Variants in STX3 observed in about 807,000 individuals in gnomAD.
STX3 encodes the protein syntaxin 3.
STX3 carries 19 observed loss-of-function variants against 40.2 expected under a neutral mutation model. That is an observed-to-expected ratio of 0.47 (90% CI 0.33 to 0.69). The LOEUF (loss-of-function observed/expected upper bound fraction) is 0.69, where lower values mean the gene tolerates loss of function less well. Among genes scored for constraint, STX3 ranks in the 30% least tolerant of loss-of-function variants. The pLI, the probability that STX3 is intolerant of heterozygous loss-of-function variation, is 0.02. For synonymous variants in STX3, 122 were observed against 132.2 expected (o/e 0.92, Z 0.53); for missense variants, 364 against 366.7 (o/e 0.99, Z 0.06).
intron 1 of STX3, among the ~76,000 whole-genome samples, chr11:59,762,853 G>C (rs1240967072): frequency 6.6e-6 from 1 of 152,196 alleles, no homozygotes; most frequent in East Asian, 1.9e-4. Context: ...AAGAAGGTCT[G>C]ATCTCCTCAC....
intron 5 of STX3, among the ~76,000 whole-genome samples, chr11:59,791,082 T>C (rs1273303018): frequency 1.3e-5 from 2 of 152,064 alleles, no homozygotes; most frequent in African/African-American, 4.8e-5. Context: ...CATCAAAAGA[T>C]CTCAGGAAGA....
chr11:59,768,956 T>C (rs967437837), intron 1 of STX3, among the ~76,000 whole-genome samples: 1 of 152,186 alleles, frequency 6.6e-6, no homozygotes, highest in Non-Finnish European at 1.5e-5. Flanking sequence ...CTCTATTGCA[T>C]AGTAGTGAGG....
chr11:59,761,154 A>T (rs1240607336), intron 1 of STX3, among the ~76,000 whole-genome samples: 1 of 152,192 alleles, frequency 6.6e-6, no homozygotes, highest in East Asian at 1.9e-4. Flanking sequence ...AAGGCTCCTA[A>T]CTACACCTAA....
At position 59,805,442 on chromosome 11, in the gene STX3, A is replaced by G. The variant is rs1283170106; in HGVS notation, c.*4618A>G. ...ATTTTTTAAGAAAGTGGGATTAAAA[A>G]TATTTTGGTCAGTGCTGTTTTCTAC... On this transcript the variant is annotated 3_prime_UTR_variant, in exon 11 of 11. Coordinates refer to ENST00000337979, the MANE Select transcript of STX3 (RefSeq NM_004177.5). 2.0e-5 allele frequency: 3 copies of G among 152,170 alleles called. No individual in the cohort carries two copies. The highest frequency in any genetic ancestry group is 4.4e-5 in the Non-Finnish European group (3 of 68,036). 9.4% of individuals were successfully genotyped at this position (152,170 alleles called of 1,614,324 possible).
At chr11:59,764,779 T>C (rs1241274730) in intron 1 of STX3, among the ~76,000 whole-genome samples, 1 of 152,100 alleles carries the variant, frequency 6.6e-6, no homozygotes, top group Non-Finnish European at 1.5e-5. Flanking sequence ...GCAGTTGTCT[T>C]ATCTGGAAAT....
chr11:59,760,940 T>C (rs913504776), intron 1 of STX3, among the ~76,000 whole-genome samples: 1 of 152,248 alleles, frequency 6.6e-6, no homozygotes, highest in African/African-American at 2.4e-5. Flanking sequence ...ATGGTAAGCC[T>C]GTATTAAACA....
chr11:59,784,349 T>C (rs1361730412), intron 2 of STX3, among the ~76,000 whole-genome samples: 1 of 152,210 alleles, frequency 6.6e-6, no homozygotes, highest in African/African-American at 2.4e-5. Flanking sequence ...TTTCCCTCCC[T>C]CAATCCTGTA....
At chr11:59,784,034 A>G (rs150113845) in intron 2 of STX3, among the ~76,000 whole-genome samples, 73 of 152,302 alleles carry the variant, frequency 4.8e-4, no homozygotes, top group Middle Eastern at 3.4e-3. Context: ...ACCCAGGACC[A>G]GTTCTCCTGT....
At chr11:59,770,089 TTGTG>T (rs900297761) in intron 1 of STX3, among the ~76,000 whole-genome samples, 1 of 143,652 alleles carries the variant, frequency 7.0e-6, no homozygotes, top group Non-Finnish European at 1.5e-5. Context: ...TGTTGGGTGT[TTGTG>T]TATGTGGAAT....
intron 6 of STX3, 31 bp from the exon 7 acceptor site, chr11:59,793,068 T>C (rs1865300085): frequency 6.2e-7 from 1 of 1,608,054 alleles, no homozygotes; most frequent in Non-Finnish European, 8.5e-7. Context: ...CGTGATCTTA[T>C]ATTTGACGCT....
At chr11:59,784,444 G>C (rs1170858565) in intron 2 of STX3, among the ~76,000 whole-genome samples, 1 of 152,182 alleles carries the variant, frequency 6.6e-6, no homozygotes, top group African/African-American at 2.4e-5. Context: ...TCTAAGAGGG[G>C]CCAGTAGATT....
At chr11:59,795,738 T>C in intron 9 of STX3, 1 of 1,528,378 alleles carries the variant, frequency 6.5e-7, no homozygotes, top group Non-Finnish European at 8.8e-7. Context: ...TCAACTGTCC[T>C]TCGTCTCAGC....
chr11:59,797,571 G>T (rs1865597543), intron 10 of STX3, among the ~76,000 whole-genome samples, 175 bp downstream of exon 10: 1 of 152,096 alleles, frequency 6.6e-6, no homozygotes, highest in Non-Finnish European at 1.5e-5. Flanking sequence ...TTGGTTTCTG[G>T]CTGCAGTACG....
rs145769501 is a variant in STX3 at position 59,793,177 on chromosome 11, G to A, written c.540+5G>A. 68 of 1,612,902 alleles carry A rather than the reference G, an allele frequency of 4.2e-5. No individual in the cohort carries two copies. The highest frequency in any genetic ancestry group is 5.7e-5 in the Non-Finnish European group (67 of 1,179,804). On this transcript the variant is annotated splice_donor_5th_base_variant and intron_variant, in intron 7 of 10. Transcript: ENST00000337979. ...CCGGCCATCTTCACTTCTGGGGTGA[G>A]TGCCCTGTGTGCTCGGATAGCACAT...
intron 9 of STX3, 113 bp downstream of exon 9, chr11:59,795,595 G>A: frequency 1.3e-6 from 2 of 1,543,570 alleles, no homozygotes; most frequent in Non-Finnish European, 1.7e-6. Flanking sequence ...CTTGCATCTG[G>A]GGAAAGGGAT....
At position 59,804,955 on chromosome 11, in the gene STX3, T is replaced by A. The variant is rs1243563612; in HGVS notation, c.*4131T>A. ...GCTCATGCCTGTAATCACAGCACTT[T>A]GGGAGGCCAAGGCAGGTGGATCACC... On this transcript the variant is annotated 3_prime_UTR_variant, in exon 11 of 11. Coordinates refer to ENST00000337979, the MANE Select transcript of STX3 (RefSeq NM_004177.5). 1 of 152,172 alleles carries A rather than the reference T, an allele frequency of 6.6e-6. No homozygotes were observed. Among genetic ancestry groups the A allele is most frequent in the Non-Finnish European group, 1.5e-5 (1 of 68,066 alleles). The allele number at this position is 152,172 out of a possible 1,614,324, so 9.4% of individuals were successfully genotyped here.
chr11:59,792,949 C>A (rs1309620099), intron 6 of STX3, 150 bp from the exon 7 acceptor site: 2 of 700,472 alleles, frequency 2.9e-6, no homozygotes, highest in African/African-American at 1.8e-5. Context: ...TGGATTAGGG[C>A]AGAAATAAGA....
chr11:59,767,543 C>T (rs1863341319), intron 1 of STX3, among the ~76,000 whole-genome samples: 1 of 152,172 alleles, frequency 6.6e-6, no homozygotes, highest in Non-Finnish European at 1.5e-5. Flanking sequence ...GGAGCCCTTA[C>T]CCTGAGATTG....
intron 1 of STX3, among the ~76,000 whole-genome samples, chr11:59,766,945 A>G (rs775065011): frequency 2.0e-5 from 3 of 152,204 alleles, no homozygotes; most frequent in Non-Finnish European, 4.4e-5. Context: ...AGCACCTACT[A>G]GGGGCTCTAT....
Sources: gnomAD v4.1 joint callset for allele counts (sites outside exome capture counted in the v4.1 genomes callset) on GRCh38, gnomAD v4.1.1 for gene constraint, MANE v1.5 for transcripts, NCBI Gene and HGNC (gene_info 2026-07-23, HGNC 2026-07-21) for gene names.